ADGRD2: variants seen among roughly 807,000 people sequenced by gnomAD.
ADGRD2 encodes the protein G protein-coupled receptor PGR24.
In ADGRD2, 71 loss-of-function variants were observed where a neutral mutation model predicts 44.4. The ratio of observed to expected loss-of-function variants is 1.60; its 90% CI spans 1.32 to 1.95. ADGRD2 has a LOEUF of 1.95. Ranked by LOEUF, ADGRD2 falls within the 30% of genes most tolerant of loss-of-function variation. The pLI is 0.00. For synonymous variants in ADGRD2, 481 were observed against 224.8 expected (o/e 2.14, Z -10.19); for missense variants, 1,039 against 512.4 (o/e 2.03, Z -9.92).
chr9:124,450,841 G>A (rs574678097), upstream of ADGRD2, among the ~76,000 whole-genome samples: 1 of 152,242 alleles, frequency 6.6e-6, no homozygotes, highest in Non-Finnish European at 1.5e-5. Context: ...CTCAGATGCC[G>A]TCACCAGGTG....
At chr9:124,451,850 C>G (rs375291018), upstream of ADGRD2, 298 of 554,886 alleles carry the variant, frequency 5.4e-4, 1 homozygote, top group East Asian at 8.9e-3. Flanking sequence ...AAAGCACTCA[C>G]TAAGGGTGAC....
rs546933062 is a variant in ADGRD2, at chr9:124,476,864, A to G, written c.*18+155A>G. On this transcript the variant is annotated intron_variant, in intron 21 of 21. Transcript: ENST00000334810. ...CTCACTCCACAGGTCCCCTGGGAGC[A>G]CTGGGGGCCTGGCGGGGACCAGGCA... 9.3e-5 allele frequency: 65 copies of G among 695,366 alleles called. No homozygotes were observed. In the African/African-American group the frequency reaches 1.1e-3, roughly 12 times the overall value. The allele number at this position is 695,366 out of a possible 1,614,324, so 43.1% of individuals were successfully genotyped here.
At chr9:124,451,466 C>G (rs780918503), upstream of ADGRD2, 28 of 348,940 alleles carry the variant, frequency 8.0e-5, no homozygotes, top group Non-Finnish European at 1.5e-4. Flanking sequence ...GTGGGCCACC[C>G]CATCCTGGGC....
chr9:124,466,117 A>C, intron 10 of ADGRD2, 141 bp from the exon 14 acceptor site: 1 of 457,786 alleles, frequency 2.2e-6, no homozygotes, highest in Non-Finnish European at 4.0e-6. Context: ...CAGGTGAAAA[A>C]CTGAGACCCA....
chr9:124,465,994 CTGAGGTAGGGAA>C, intron 10 of ADGRD2: 1 of 294,666 alleles, frequency 3.4e-6, no homozygotes, highest in Non-Finnish European at 6.2e-6. Context: ...GGATCTTTAG[CTGAGGTAGGGAA>C]CCTTGGTCCC....
At position 124,454,757 on chromosome 9, in the gene ADGRD2, A is replaced by G; in HGVS notation, c.1109-86A>G. Reference sequence around the variant, plus strand: ...ACAAGTTTAATGGGTGCCCACCAAGAAGACCCTGGCAAAGCCCAAGTGTGG... The same window carrying G: ...ACAAGTTTAATGGGTGCCCACCAAGGAGACCCTGGCAAAGCCCAAGTGTGG... On this transcript the variant is annotated intron_variant, in intron 5 of 21. Transcript: ENST00000334810. The surrounding 1 kb of genome is among the most constrained non-coding windows in gnomAD (Gnocchi z 4.5). The G allele has an allele frequency of 3.2e-6, 2 of 616,150 alleles. No homozygotes were observed. Among genetic ancestry groups the G allele is most frequent in the South Asian group, 3.7e-5 (2 of 54,374 alleles). The allele number at this position is 616,150 out of a possible 1,614,324, so 38.2% of individuals were successfully genotyped here. A position where few individuals can be genotyped will look rare whatever the true frequency, so the allele number is the denominator to read the frequency against.
chr9:124,470,464 C>A (rs1469797953), intron 16 of ADGRD2, 30 bp from the exon 20 acceptor site: 2 of 701,024 alleles, frequency 2.9e-6, no homozygotes, highest in Non-Finnish European at 5.3e-6. Context: ...GGCCTCCCAA[C>A]CCCCGTCAGC....
At chr9:124,468,318 C>A in intron 13 of ADGRD2, 128 bp downstream of exon 16, 1 of 683,784 alleles carries the variant, frequency 1.5e-6, no homozygotes, top group Admixed American at 2.1e-5. Context: ...GAGCAGGGCC[C>A]GGGGAGGAGC....
At chr9:124,475,333 T>TA in intron 17 of ADGRD2, 113 bp from the exon 21 acceptor site, 1 of 612,178 alleles carries the variant, frequency 1.6e-6, no homozygotes, top group South Asian at 1.9e-5. Flanking sequence ...TGTCTCTGGG[T>TA]ATCTCTGCAA....
At chr9:124,458,766 T>A (rs1327778734) in intron 10 of ADGRD2, 45 bp downstream of exon 13, 1 of 708,420 alleles carries the variant, frequency 1.4e-6, no homozygotes, top group Non-Finnish European at 2.6e-6. Flanking sequence ...GGCGCACGTG[T>A]CCTGGTTCAG....
intron 10 of ADGRD2, among the ~76,000 whole-genome samples, chr9:124,459,484 A>G (rs969172230): frequency 6.7e-6 from 1 of 148,922 alleles, no homozygotes; most frequent in South Asian, 2.1e-4. Flanking sequence ...ACAGAACAAG[A>G]CTCTGTCTCA....
At chr9:124,452,275 C>T (rs983049755) in intron 1 of ADGRD2, 121 bp downstream of exon 4, 8 of 635,650 alleles carry the variant, frequency 1.3e-5, no homozygotes, top group Non-Finnish European at 2.3e-5. Context: ...GTTCCACCCC[C>T]ACCATACCAG....
chr9:124,462,926 T>A (rs958853299), intron 10 of ADGRD2, among the ~76,000 whole-genome samples: 5 of 151,466 alleles, frequency 3.3e-5, no homozygotes, highest in East Asian at 3.9e-4. Flanking sequence ...TGACTTTCTC[T>A]CTCTCTCTTT....
At chr9:124,467,456 C>T in intron 11 of ADGRD2, 1 of 458,814 alleles carries the variant, frequency 2.2e-6, no homozygotes, top group Non-Finnish European at 3.9e-6. Context: ...TCCCCGTGGG[C>T]ACGTTTGTCA....
At chr9:124,453,244 G>C (rs763400083) in exon 3 of ADGRD2, 2 of 562,566 alleles carry the variant, frequency 3.6e-6, no homozygotes, top group Admixed American at 3.8e-5. Flanking sequence ...CGAGCCGGGG[G>C]GCGTCGTGCG....
chr9:124,454,893 G>A lies in ADGRD2; in HGVS notation c.1161G>A (p.Glu387=), dbSNP rs1031853113. The A allele has an allele frequency of 2.8e-6, 2 of 713,590 alleles. No individual in the cohort carries two copies. Among genetic ancestry groups the A allele is most frequent in the African/African-American group, 3.5e-5 (2 of 57,390 alleles). 44.2% of individuals were successfully genotyped at this position (713,590 alleles called of 1,614,324 possible). A position where few individuals can be genotyped will look rare whatever the true frequency, so the allele number is the denominator to read the frequency against. Residue 387 remains glutamate (E), a synonymous_variant, in exon 6 of 22, where the codon GAG becomes GAA. Transcript: ENST00000334810. This position sits in a 1 kb window ranked among gnomAD's most constrained non-coding sequence, Gnocchi z 4.5. ...TCCATGGGGCCCTGTCCCCAGCGGA[G>A]GCCTCCAGCTTCCTGGGCCTTCTGG...
chr9:124,464,140 G>A (rs1462331266), intron 10 of ADGRD2, among the ~76,000 whole-genome samples: 1 of 151,422 alleles, frequency 6.6e-6, no homozygotes, highest in Non-Finnish European at 1.5e-5. Flanking sequence ...ATATTCTAAA[G>A]GATGAATTTT....
chr9:124,473,555 TTTGTTCAG>T (rs1279053888), intron 17 of ADGRD2, among the ~76,000 whole-genome samples: 1 of 152,208 alleles, frequency 6.6e-6, no homozygotes, highest in African/African-American at 2.4e-5. Context: ...GCTCATTTGT[TTTGTTCAG>T]TTGTTCAACA....
rs879748460 is a variant in ADGRD2, at chr9:124,468,186, A to G, written c.2231A>G (p.Asn744Ser). The G allele has an allele frequency of 2.4e-5, 17 of 718,236 alleles. No individual in the cohort carries two copies. In the East Asian group the frequency reaches 3.2e-4, roughly 14 times the overall value. 44.5% of individuals were successfully genotyped at this position (718,236 alleles called of 1,614,324 possible). A position where few individuals can be genotyped will look rare whatever the true frequency, so the allele number is the denominator to read the frequency against. ...ATGACCAGCGAGTGGGCCAAGGCCA[A>G]TGAGGTGGGCAGCCAGTGGGTGGGC... Residue 744 changes from asparagine to serine, a missense_variant, in exon 13 of 22, where the codon AAT (asparagine) becomes AGT (serine). Physicochemically the swap from Asn to Ser is conservative, Grantham distance 46. Coordinates refer to ENST00000334810, the Ensembl canonical transcript of ADGRD2.
Sources: gnomAD v4.1 joint callset for allele counts (sites outside exome capture counted in the v4.1 genomes callset) on GRCh38, gnomAD v4.1.1 for gene constraint, Gnocchi (gnomAD v3.1) non-coding constraint, MANE v1.5 for transcripts, NCBI Gene and HGNC (gene_info 2026-07-23, HGNC 2026-07-21) for gene names.